CNTNAP2: variants seen among roughly 807,000 people sequenced by gnomAD.
CNTNAP2 encodes contactin associated protein 2, also known as contactin-associated protein-like 2.
In CNTNAP2, 98 loss-of-function variants were observed where a neutral mutation model predicts 155.2. That is an observed-to-expected ratio of 0.63 (90% CI 0.54 to 0.75). CNTNAP2 has a LOEUF of 0.75. Among genes scored for constraint, CNTNAP2 ranks in the 30% least tolerant of loss-of-function variants. The pLI, the probability that CNTNAP2 is intolerant of heterozygous loss-of-function variation, is 0.00. For missense variants in CNTNAP2, 1,727 were observed against 1,688.1 expected, an observed-to-expected ratio of 1.02 and a Z score of -0.40; for synonymous variants, 651 against 631.2, an observed-to-expected ratio of 1.03 and a Z score of -0.47.
At chr7:148,037,265 G>A (rs1025747029) in intron 15 of CNTNAP2, among the ~76,000 whole-genome samples, 1 of 152,102 alleles carries the variant, frequency 6.6e-6, no homozygotes, top group Non-Finnish European at 1.5e-5. Context: ...AAACTATGTC[G>A]AAATCCTTCC....
chr7:147,706,254 A>G lies in CNTNAP2; in HGVS notation c.2098+66948A>G, dbSNP rs1222918854. On this transcript the variant is annotated intron_variant, in intron 13 of 23. Transcript: ENST00000361727. ...TTTATCCTTTCATGTGGTTTTTATG[A>G]TGGTAGATATCATCCTATCACTTCC... Among the ~76,000 whole-genome samples the G allele has an allele frequency of 2.2e-5, 3 of 136,898 alleles. No homozygotes were observed. The East Asian group carries it at 6.3e-4, about 29-fold the overall frequency. The allele number at this position is 136,898 out of a possible 152,430, so 89.8% of individuals were successfully genotyped here. A position where few individuals can be genotyped will look rare whatever the true frequency, so the allele number is the denominator to read the frequency against.
chr7:146,257,552 G>C (rs1167301624), intron 1 of CNTNAP2, among the ~76,000 whole-genome samples: 2 of 152,180 alleles, frequency 1.3e-5, no homozygotes, highest in Admixed American at 6.5e-5. Context: ...AAATGGGATT[G>C]GCCCAGGTGT....
At chr7:146,905,583 G>A (rs935470598) in intron 3 of CNTNAP2, among the ~76,000 whole-genome samples, 1 of 152,116 alleles carries the variant, frequency 6.6e-6, no homozygotes, top group African/African-American at 2.4e-5. Context: ...ACAGAGACTA[G>A]CTTTCCCCAA....
chr7:148,135,741 CG>C (rs1225851709), intron 16 of CNTNAP2, among the ~76,000 whole-genome samples: 1 of 149,352 alleles, frequency 6.7e-6, no homozygotes, highest in African/African-American at 2.5e-5. Flanking sequence ...CCCAGCTACT[CG>C]GGAGGCTGAG....
At chr7:148,397,333 A>G (rs10273784) in intron 22 of CNTNAP2, among the ~76,000 whole-genome samples, 17,521 of 152,246 alleles carry the variant, frequency 0.12, 1,981 homozygotes, top group African/African-American at 0.29. Flanking sequence ...ATGGGGACTG[A>G]GTTTATAGCA....
intron 10 of CNTNAP2, among the ~76,000 whole-genome samples, chr7:147,397,150 T>C (rs968811392): frequency 6.6e-6 from 1 of 152,060 alleles, no homozygotes; most frequent in African/African-American, 2.4e-5. Flanking sequence ...GTATACTGCT[T>C]ATTTCTATTC....
chr7:146,702,380 T>C (rs1800892697), intron 1 of CNTNAP2, among the ~76,000 whole-genome samples: 1 of 152,110 alleles, frequency 6.6e-6, no homozygotes, highest in South Asian at 2.1e-4. Flanking sequence ...AAAAATTAAG[T>C]ATTTTTATTC....
At chr7:147,933,802 G>A (rs1421366741) in intron 14 of CNTNAP2, among the ~76,000 whole-genome samples, 1 of 152,178 alleles carries the variant, frequency 6.6e-6, no homozygotes, top group Non-Finnish European at 1.5e-5. Flanking sequence ...GGCAGAGGTT[G>A]CAGTGAGCCA....
At chr7:146,194,615 A>T (rs1798751242) in intron 1 of CNTNAP2, among the ~76,000 whole-genome samples, 1 of 152,220 alleles carries the variant, frequency 6.6e-6, no homozygotes, top group Non-Finnish European at 1.5e-5. Context: ...AACTGTATCT[A>T]AATTCTAATG....
At chr7:148,012,262 C>A (rs536269456) in intron 15 of CNTNAP2, among the ~76,000 whole-genome samples, 1 of 152,180 alleles carries the variant, frequency 6.6e-6, no homozygotes, top group Non-Finnish European at 1.5e-5. Context: ...CTTGCTCTTT[C>A]GAGTCCCCAG....
At chr7:147,034,711 T>C (rs954312904) in intron 3 of CNTNAP2, among the ~76,000 whole-genome samples, 4 of 151,872 alleles carry the variant, frequency 2.6e-5, no homozygotes, top group African/African-American at 9.6e-5. Flanking sequence ...AGAAGGGGGA[T>C]GGAGTGGGAA....
intron 11 of CNTNAP2, among the ~76,000 whole-genome samples, chr7:147,520,098 A>G (rs1187537820): frequency 6.6e-6 from 1 of 152,174 alleles, no homozygotes; most frequent in Non-Finnish European, 1.5e-5. Flanking sequence ...CTTTCCAAAG[A>G]ATCCAGTCGT....
chr7:147,449,873 A>G (rs1224609127), intron 10 of CNTNAP2, among the ~76,000 whole-genome samples: 1 of 152,222 alleles, frequency 6.6e-6, no homozygotes, highest in Admixed American at 6.5e-5. Context: ...TGATTCCTCA[A>G]TATTCAATTT....
intron 3 of CNTNAP2, among the ~76,000 whole-genome samples, chr7:146,929,112 T>G (rs1401045562): frequency 6.6e-6 from 1 of 152,156 alleles, no homozygotes; most frequent in Admixed American, 6.5e-5. Context: ...AGCTGGAGAT[T>G]TGAGAATGGG....
chr7:147,163,256 A>G (rs149945756), intron 8 of CNTNAP2, among the ~76,000 whole-genome samples: 1 of 152,288 alleles, frequency 6.6e-6, no homozygotes, highest in African/African-American at 2.4e-5. Context: ...TGTGCATAAA[A>G]GAAGAACAAC....
chr7:148,322,165 C>T (rs141139055), intron 21 of CNTNAP2, among the ~76,000 whole-genome samples: 33 of 152,210 alleles, frequency 2.2e-4, no homozygotes, highest in Admixed American at 1.4e-3. Context: ...TCAGGGGATC[C>T]GCCCACCTTG....
At chr7:147,899,650 C>G (rs1173855603) in intron 13 of CNTNAP2, among the ~76,000 whole-genome samples, 1 of 151,924 alleles carries the variant, frequency 6.6e-6, no homozygotes, top group Non-Finnish European at 1.5e-5. Context: ...TTTGAGAGGC[C>G]AAGGCGGGTG....
At chr7:147,948,618 CA>C (rs1261745560) in intron 14 of CNTNAP2, among the ~76,000 whole-genome samples, 3 of 146,608 alleles carry the variant, frequency 2.0e-5, no homozygotes, top group Non-Finnish European at 4.5e-5. Context: ...TGTATATATA[CA>C]TATATATTTA....
rs537432437 is a variant in CNTNAP2 at position 146,552,720 on chromosome 7, T to C, written c.98-221551T>C. 1.2e-4 allele frequency among the ~76,000 whole-genome samples: 18 copies of C among 152,246 alleles called. 1 individual carries two copies. The South Asian group carries it at 3.7e-3, about 32-fold the overall frequency. Reference sequence around the variant, plus strand: ...TTGGTTTGTGCCCCCATTATCTCCCTGCCTTCATCTGTTTTGACTCTTCCC... The same window carrying C: ...TTGGTTTGTGCCCCCATTATCTCCCCGCCTTCATCTGTTTTGACTCTTCCC... On this transcript the variant is annotated intron_variant, in intron 1 of 23. Coordinates refer to ENST00000361727, the MANE Select transcript of CNTNAP2 (RefSeq NM_014141.6).
Sources: gnomAD v4.1 joint callset for allele counts (sites outside exome capture counted in the v4.1 genomes callset) on GRCh38, gnomAD v4.1.1 for gene constraint, MANE v1.5 for transcripts, NCBI Gene and HGNC (gene_info 2026-07-23, HGNC 2026-07-21) for gene names.